The following KIFAP3 variants were observed in gnomAD, a reference collection of about 807,000 sequenced individuals.
KIFAP3 encodes kinesin associated protein 3, also known as kinesin-associated protein 3.
KIFAP3 carries 68 observed loss-of-function variants against 106.5 expected under a neutral mutation model. The observed-to-expected ratio is 0.64, with a 90% confidence interval of 0.53 to 0.78. The LOEUF (loss-of-function observed/expected upper bound fraction) is 0.78. Among genes scored for constraint, KIFAP3 ranks in the 30% least tolerant of loss-of-function variants. The pLI is 0.00. For synonymous variants in KIFAP3, 320 were observed against 311.5 expected (o/e 1.03, Z -0.29); for missense variants, 780 against 941.8 (o/e 0.83, Z 2.25).
chr1:169,978,713 C>T (rs970914964), intron 15 of KIFAP3, among the ~76,000 whole-genome samples: 3 of 151,962 alleles, frequency 2.0e-5, no homozygotes, highest in African/African-American at 7.2e-5. Context: ...ATGGAAAAAG[C>T]ATAATTGCTT....
chr1:169,936,775 T>C (rs539458683), intron 19 of KIFAP3, among the ~76,000 whole-genome samples: 28 of 151,742 alleles, frequency 1.8e-4, no homozygotes, highest in East Asian at 7.7e-4. Context: ...TTATTTAAGA[T>C]AATGTGGCAT....
chr1:170,011,592 A>C (rs1190781434), intron 10 of KIFAP3, among the ~76,000 whole-genome samples: 2 of 151,964 alleles, frequency 1.3e-5, no homozygotes, highest in African/African-American at 4.8e-5. Context: ...GGGTTGGGCT[A>C]CACTGTAAAA....
intron 9 of KIFAP3, among the ~76,000 whole-genome samples, chr1:170,017,668 A>G (rs1248899702): frequency 2.0e-5 from 3 of 152,162 alleles, no homozygotes; most frequent in Non-Finnish European, 4.4e-5. Context: ...AAGTGTTCTG[A>G]AAGATTTTAA....
rs961254258 is a variant in KIFAP3 at position 170,073,483 on chromosome 1, T to A, written c.32+953A>T. On this transcript the variant is annotated intron_variant, in intron 1 of 19. Coordinates refer to ENST00000361580, the MANE Select transcript of KIFAP3 (RefSeq NM_014970.4). Reference sequence around the variant, plus strand: ...AAAAATATTCACTGCAAGTGTATTATGACTTGAAATAATACCACCACCTTA... The same window carrying A: ...AAAAATATTCACTGCAAGTGTATTAAGACTTGAAATAATACCACCACCTTA... Among the ~76,000 whole-genome samples the A allele has an allele frequency of 2.6e-5, 4 of 152,220 alleles. No individual in the cohort carries two copies. In the East Asian group the frequency reaches 7.7e-4, roughly 29 times the overall value.
intron 1 of KIFAP3, among the ~76,000 whole-genome samples, chr1:170,062,369 T>G (rs1571757505): frequency 6.6e-6 from 1 of 151,614 alleles, no homozygotes; most frequent in South Asian, 2.1e-4. Context: ...AAACTCTTTT[T>G]GTGTTTGGTT....
At chr1:169,962,728 T>A (rs769843234) in intron 17 of KIFAP3, among the ~76,000 whole-genome samples, 3 of 152,230 alleles carry the variant, frequency 2.0e-5, no homozygotes, top group Non-Finnish European at 4.4e-5. Flanking sequence ...GACTTTATAA[T>A]AAATGTAATT....
intron 2 of KIFAP3, among the ~76,000 whole-genome samples, chr1:170,047,196 T>A (rs1285737294): frequency 6.6e-6 from 1 of 152,136 alleles, no homozygotes; most frequent in African/African-American, 2.4e-5. Context: ...ATCCATACCA[T>A]CATAAATAAA....
At chr1:170,041,118 C>T (rs989855979) in intron 3 of KIFAP3, among the ~76,000 whole-genome samples, 1 of 152,136 alleles carries the variant, frequency 6.6e-6, no homozygotes, top group Non-Finnish European at 1.5e-5. Flanking sequence ...CCACCACACC[C>T]AGCCCTTTTT....
intron 19 of KIFAP3, among the ~76,000 whole-genome samples, chr1:169,946,930 T>C (rs549878109): frequency 1.2e-4 from 18 of 152,046 alleles, no homozygotes; most frequent in African/African-American, 4.1e-4. Context: ...ATTTTTTATT[T>C]GCTTTGATTT....
At chr1:169,930,349 A>T (rs1663395149) in intron 19 of KIFAP3, among the ~76,000 whole-genome samples, 1 of 152,254 alleles carries the variant, frequency 6.6e-6, no homozygotes, top group Non-Finnish European at 1.5e-5. Flanking sequence ...ACTCCATGGC[A>T]TATTGAACAT....
Position 170,038,968 on chromosome 1 carries a change from AGCT to A in KIFAP3, c.375+262_375+264del, listed in dbSNP as rs1342220436. Among the ~76,000 whole-genome samples the A allele has an allele frequency of 3.9e-5, 6 of 152,182 alleles. No homozygotes were observed. The East Asian group carries it at 1.2e-3, about 29-fold the overall frequency. On this transcript the variant is annotated intron_variant, in intron 4 of 19. Transcript: ENST00000361580. ...CGTGGTGGCACATGCCTGTAATCCC[AGCT>A]ACTCAGGAGGCTGAGGCAGGAAAAT... is the stretch of plus-strand genomic sequence containing the variant.
At chr1:170,068,360 G>A (rs1375695101) in intron 1 of KIFAP3, 1 of 151,846 alleles carries the variant, frequency 6.6e-6, no homozygotes, top group Non-Finnish European at 1.5e-5. Context: ...CACATAAATA[G>A]TTTAAAAATA....
chr1:169,944,419 C>T (rs189214170), intron 19 of KIFAP3, among the ~76,000 whole-genome samples: 4 of 152,306 alleles, frequency 2.6e-5, no homozygotes, highest in African/African-American at 9.6e-5. Flanking sequence ...CGCAGAGCCC[C>T]ACAGAGGGTG....
intron 10 of KIFAP3, among the ~76,000 whole-genome samples, chr1:169,992,470 T>C (rs1009381823): frequency 2.6e-5 from 4 of 152,166 alleles, no homozygotes; most frequent in African/African-American, 9.6e-5. Flanking sequence ...AGAATGTCTA[T>C]TTCCCAAGGT....
At chr1:169,989,223 TAAA>T (rs951506981) in intron 11 of KIFAP3, among the ~76,000 whole-genome samples, 1 of 152,024 alleles carries the variant, frequency 6.6e-6, no homozygotes, top group Non-Finnish European at 1.5e-5. Context: ...TCATTTAAAA[TAAA>T]ATTTTACATT....
intron 1 of KIFAP3, among the ~76,000 whole-genome samples, chr1:170,058,364 G>C (rs749629731): frequency 6.6e-6 from 1 of 152,116 alleles, no homozygotes; most frequent in Non-Finnish European, 1.5e-5. Flanking sequence ...GCCGTTTTAG[G>C]AAGTGTTTGG....
At chr1:170,022,865 T>C (rs1015679274) in intron 9 of KIFAP3, among the ~76,000 whole-genome samples, 6 of 152,242 alleles carry the variant, frequency 3.9e-5, no homozygotes, top group Admixed American at 3.9e-4. Flanking sequence ...AGTCAAGATC[T>C]TTTTGATAGA....
intron 9 of KIFAP3, among the ~76,000 whole-genome samples, chr1:170,018,994 GA>G (rs1329499015): frequency 6.6e-6 from 1 of 151,814 alleles, no homozygotes; most frequent in East Asian, 1.9e-4. Flanking sequence ...CACTAATCTA[GA>G]AAAAAATGAC....
chr1:169,964,684 CAG>C (rs1665513780), intron 17 of KIFAP3, among the ~76,000 whole-genome samples: 1 of 152,106 alleles, frequency 6.6e-6, no homozygotes, highest in South Asian at 2.1e-4. Flanking sequence ...ATAATATGCA[CAG>C]AGATGTTGTT....
Sources: allele counts gnomAD v4.1 joint callset (sites outside exome capture counted in the v4.1 genomes callset), GRCh38; gene constraint gnomAD v4.1.1; transcripts MANE v1.5; gene names NCBI Gene and HGNC (gene_info 2026-07-23, HGNC 2026-07-21).